KCNAB1: variants seen among roughly 807,000 people sequenced by gnomAD.
KCNAB1 encodes potassium voltage-gated channel subfamily A regulatory beta subunit 1, also known as voltage-gated potassium channel subunit beta-1.
KCNAB1 carries 35 observed loss-of-function variants against 64.6 expected under a neutral mutation model. The observed-to-expected ratio is 0.54, with a 90% CI of 0.41 to 0.72. KCNAB1 has a LOEUF of 0.72. Ranked by LOEUF, KCNAB1 falls within the 30% of genes least tolerant of loss-of-function variation. KCNAB1 has a pLI of 0.00. For synonymous variants in KCNAB1, 177 were observed against 183.8 expected (o/e 0.96, Z 0.30); for missense variants, 401 against 512.9 (o/e 0.78, Z 2.11).
intron 1 of KCNAB1, among the ~76,000 whole-genome samples, chr3:156,240,938 TGAGGG>T (rs79486560): frequency 0.053 from 8,124 of 152,310 alleles, 246 homozygotes; most frequent in East Asian, 0.11. Context: ...CTTAATTCTG[TGAGGG>T]AAACTCTGGG....
At chr3:156,352,715 A>T (rs541322857) in intron 1 of KCNAB1, among the ~76,000 whole-genome samples, 27 of 152,104 alleles carry the variant, frequency 1.8e-4, no homozygotes, top group Non-Finnish European at 3.5e-4. Flanking sequence ...TGTTCCTTTG[A>T]TGCTCCTGGA....
rs531118430 is a variant in KCNAB1 at position 156,394,604 on chromosome 3, G to A, written c.276-27012G>A. On this transcript the variant is annotated intron_variant, in intron 1 of 13. Transcript: ENST00000490337. ...CTGTGGGGATAAAAGAAAAAAAAAA[G>A]AATGTTTGAGGCCAGATCACCTACA... Among the ~76,000 whole-genome samples the A allele has an allele frequency of 3.2e-3, 491 of 151,258 alleles. 2 individuals carry two copies. The highest frequency in any genetic ancestry group is 3.4e-3 in the Middle Eastern group (1 of 294).
intron 1 of KCNAB1, chr3:156,292,090 CAA>C: frequency 4.3e-6 from 7 of 1,614,038 alleles, no homozygotes; most frequent in African/African-American, 1.3e-5. Context: ...ACATTTCTCT[CAA>C]AGAGTCCACC....
chr3:156,345,312 A>G (rs1442414462), intron 1 of KCNAB1, among the ~76,000 whole-genome samples: 1 of 152,232 alleles, frequency 6.6e-6, no homozygotes, highest in Non-Finnish European at 1.5e-5. Context: ...ATAAGGAAAT[A>G]TTCTATTTTT....
intron 8 of KCNAB1, among the ~76,000 whole-genome samples, chr3:156,483,952 A>T (rs1473323939): frequency 6.6e-6 from 1 of 152,174 alleles, no homozygotes; most frequent in East Asian, 1.9e-4. Flanking sequence ...TGCAGAAAAT[A>T]TGTGAAGAGC....
intron 1 of KCNAB1, among the ~76,000 whole-genome samples, chr3:156,342,037 A>C (rs1188443602): frequency 6.6e-6 from 1 of 152,088 alleles, no homozygotes; most frequent in Non-Finnish European, 1.5e-5. Context: ...TACCTCCTAC[A>C]CCACCTCTAT....
At chr3:156,231,055 C>T (rs571113448) in intron 1 of KCNAB1, among the ~76,000 whole-genome samples, 5 of 152,258 alleles carry the variant, frequency 3.3e-5, no homozygotes, top group Non-Finnish European at 7.4e-5. Flanking sequence ...CCTCCTCTTG[C>T]TCTGGTGCAC....
chr3:156,418,079 G>A (rs1370239305), intron 1 of KCNAB1, among the ~76,000 whole-genome samples: 3 of 152,206 alleles, frequency 2.0e-5, no homozygotes, highest in Non-Finnish European at 4.4e-5. Flanking sequence ...TACTAAAAAT[G>A]AACATGGTGA....
chr3:156,510,356 G>T (rs17353162), intron 8 of KCNAB1, among the ~76,000 whole-genome samples: 17,831 of 152,110 alleles, frequency 0.12, 1,448 homozygotes, highest in Non-Finnish European at 0.18. Context: ...AAACCTCCCT[G>T]GGTCCCATCA....
At chr3:156,439,515 C>T (rs556782116) in intron 2 of KCNAB1, among the ~76,000 whole-genome samples, 292 of 152,308 alleles carry the variant, frequency 1.9e-3, no homozygotes, top group Non-Finnish European at 3.4e-3. Context: ...CCTTGCCAAG[C>T]GGACCTTAAA....
chr3:156,164,936 A>G (rs1699846767), intron 1 of KCNAB1, among the ~76,000 whole-genome samples: 2 of 152,220 alleles, frequency 1.3e-5, no homozygotes, highest in Non-Finnish European at 2.9e-5. Context: ...CATTTTTGTT[A>G]CTGGGGATGA....
chr3:156,290,959 C>T (rs1720366076), intron 1 of KCNAB1: 3 of 985,050 alleles, frequency 3.0e-6, no homozygotes, highest in Non-Finnish European at 3.6e-6. Context: ...TGTGTTTCAG[C>T]AAGCCAGTCA....
intron 1 of KCNAB1, among the ~76,000 whole-genome samples, chr3:156,136,610 A>G (rs542193155): frequency 6.6e-6 from 1 of 152,320 alleles, no homozygotes; most frequent in African/African-American, 2.4e-5. Flanking sequence ...TAGAGCCTAA[A>G]TAATGTGACT....
chr3:156,381,608 C>G (rs1354322687), intron 1 of KCNAB1, among the ~76,000 whole-genome samples: 1 of 152,122 alleles, frequency 6.6e-6, no homozygotes, highest in African/African-American at 2.4e-5. Context: ...TCTCACTGAA[C>G]TAAATCAGTG....
chr3:156,441,676 T>G (rs1361117857), intron 2 of KCNAB1, among the ~76,000 whole-genome samples: 1 of 152,192 alleles, frequency 6.6e-6, no homozygotes, highest in Non-Finnish European at 1.5e-5. Context: ...TTTATCTACA[T>G]TAACTACTGG....
chr3:156,380,581 CA>C (rs1286087372), intron 1 of KCNAB1, among the ~76,000 whole-genome samples: 65 of 152,222 alleles, frequency 4.3e-4, no homozygotes, highest in Middle Eastern at 3.4e-3. Flanking sequence ...TCAGCCTGTG[CA>C]AATATTTGCA....
rs145736717 is a variant in KCNAB1, at chr3:156,196,040, G to C, written c.275+75154G>C. Among the ~76,000 whole-genome samples the C allele has an allele frequency of 2.2e-3, 331 of 152,278 alleles. 2 individuals carry two copies. The highest frequency in any genetic ancestry group is 7.7e-3 in the African/African-American group (319 of 41,548). On this transcript the variant is annotated intron_variant, in intron 1 of 13. Transcript: ENST00000490337. Reference sequence around the variant, plus strand: ...TTTTCCGAACACCATTTATTAAATAGGGAATCCTTTCCCCATTTCTTGTTT... The same window carrying C: ...TTTTCCGAACACCATTTATTAAATACGGAATCCTTTCCCCATTTCTTGTTT...
chr3:156,426,301 TA>T (rs1435042629), intron 2 of KCNAB1, among the ~76,000 whole-genome samples: 2 of 152,196 alleles, frequency 1.3e-5, no homozygotes, highest in East Asian at 1.9e-4. Context: ...TTATTATTAT[TA>T]TTTTAAAAAA....
intron 8 of KCNAB1, among the ~76,000 whole-genome samples, chr3:156,491,031 G>A (rs553214286): frequency 6.6e-6 from 1 of 152,228 alleles, no homozygotes; most frequent in African/African-American, 2.4e-5. Flanking sequence ...ACACCATGAA[G>A]CAGGCCTTCA....
Sources: gnomAD v4.1 joint callset for allele counts (sites outside exome capture counted in the v4.1 genomes callset) on GRCh38, gnomAD v4.1.1 for gene constraint, MANE v1.5 for transcripts, NCBI Gene and HGNC (gene_info 2026-07-23, HGNC 2026-07-21) for gene names.